XKRX: variants seen among roughly 807,000 people sequenced by gnomAD.
The protein encoded by XKRX is XK related X-linked, also known as XK-related protein 2.
Under a neutral mutation model 22.4 loss-of-function variants are expected in XKRX, and 11 were observed. The ratio of observed to expected loss-of-function variants is 0.49; its 90% CI spans 0.31 to 0.81. XKRX has a LOEUF of 0.81. XKRX is among the 40% of genes least tolerant of loss of function. The pLI is 0.05. For synonymous variants in XKRX, 114 were observed against 132.2 expected, an observed-to-expected ratio of 0.86 and a Z score of 0.94; for missense variants, 320 against 336.5, an observed-to-expected ratio of 0.95 and a Z score of 0.38.
chrX:100,891,286 T>A, the XKRX span, among the ~76,000 whole-genome samples: 4,795 of 111,059 alleles, frequency 0.043, 254 homozygotes, highest in African/African-American at 0.15. Flanking sequence ...ATAGAGCCAA[T>A]ACAATCCCTA....
downstream of XKRX, among the ~76,000 whole-genome samples, chrX:100,912,431 T>C (rs1355314268): frequency 8.9e-6 from 1 of 111,829 alleles, no homozygotes; most frequent in African/African-American, 3.3e-5. Context: ...GGGAAAACCA[T>C]GCTAGCCATG....
chrX:100,956,750 C>T, the XKRX span: 1 of 555,434 alleles, frequency 1.8e-6, no homozygotes, highest in East Asian at 3.3e-5. Context: ...ATGCCACTTG[C>T]TGAAAGAACT....
chrX:100,930,729 G>C (rs1177216182), upstream of XKRX, among the ~76,000 whole-genome samples: 1 of 111,109 alleles, frequency 9.0e-6, no homozygotes, highest in Non-Finnish European at 1.9e-5. Flanking sequence ...CCAGTATATG[G>C]TGCAGAACCT....
At chrX:100,926,001 G>A (rs997246268) in intron 1 of XKRX, among the ~76,000 whole-genome samples, 9 of 112,025 alleles carry the variant, frequency 8.0e-5, no homozygotes, top group Non-Finnish European at 1.5e-4. Context: ...TGGAAACAAT[G>A]CGCCAGGGCT....
chrX:100,908,106 A>AGTGTGTGTGTGTGTGT, the XKRX span, among the ~76,000 whole-genome samples: 18,439 of 86,664 alleles, frequency 0.21, 1,736 homozygotes, highest in Middle Eastern at 0.24. Flanking sequence ...TCATGCATGG[A>AGTGTGTGTGTGTGTGT]GTGTGTGTGT....
the XKRX span, among the ~76,000 whole-genome samples, chrX:100,891,045 G>A: frequency 1.3e-4 from 15 of 111,319 alleles, no homozygotes; most frequent in Non-Finnish European, 1.7e-4. Flanking sequence ...ATTGAATGTA[G>A]TCAACAAATT....
the XKRX span, among the ~76,000 whole-genome samples, chrX:100,955,554 T>G: frequency 0.13 from 14,338 of 110,254 alleles, 775 homozygotes; most frequent in Admixed American, 0.17. Context: ...GCACCTATAA[T>G]CCCAGCTACT....
chrX:100,917,672 A>AG (rs1457060609), intron 2 of XKRX, among the ~76,000 whole-genome samples: 42 of 43,387 alleles, frequency 9.7e-4, no homozygotes, highest in Middle Eastern at 9.6e-3. Flanking sequence ...AAAGAAAGAA[A>AG]GAAAAGAAAG....
chrX:100,949,369 T>TTTG, the XKRX span, among the ~76,000 whole-genome samples: 1 of 95,778 alleles, frequency 1.0e-5, no homozygotes, highest in East Asian at 3.4e-4. Flanking sequence ...TGGTTGTTTT[T>TTTG]TTTTTTTTTT....
intron 2 of XKRX, among the ~76,000 whole-genome samples, chrX:100,916,077 CCACA>C (rs72334101): frequency 0.19 from 18,764 of 96,875 alleles, 1,572 homozygotes; most frequent in African/African-American, 0.28. Context: ...TTAAGTTTTA[CCACA>C]CACACACACA....
the XKRX span, among the ~76,000 whole-genome samples, chrX:100,950,870 A>G: frequency 8.9e-6 from 1 of 111,813 alleles, no homozygotes; most frequent in Non-Finnish European, 1.9e-5. Context: ...CAATATATCA[A>G]AATGTACGGA....
chrX:100,928,949 G>T, upstream of XKRX: 1 of 556,779 alleles, frequency 1.8e-6, no homozygotes, highest in Non-Finnish European at 2.2e-6. Flanking sequence ...TAGCTCCTCG[G>T]ATTCCCCCAA....
At chrX:100,950,225 C>T in the XKRX span, among the ~76,000 whole-genome samples, 3 of 111,724 alleles carry the variant, frequency 2.7e-5, no homozygotes, top group Non-Finnish European at 5.6e-5. Context: ...TAGCTGAAAA[C>T]TTCCCAAAGG....
the XKRX span, among the ~76,000 whole-genome samples, chrX:100,900,865 C>G: frequency 9.6e-6 from 1 of 104,031 alleles, no homozygotes; most frequent in African/African-American, 3.5e-5. Flanking sequence ...TCTCGGCTCA[C>G]TGCAAGCTCT....
In XKRX at chrX:100,914,792, A is replaced by G. The variant is rs371750277; in HGVS notation, c.896T>C (p.Ile299Thr). The change falls in exon 3 of 3, where the codon ATT becomes ACT. Residue 299 changes from isoleucine (I) to threonine (T), a missense_variant. Physicochemically the swap from Ile to Thr is moderately conservative, Grantham distance 89. Transcript: ENST00000372956. ...GCCGACCCGGCTGAAGTTTTTCTCA[A>G]TGTTATTGGGCATCTGGGCACCACT... ...WRSGAQMPNN[I>T]EKNFSRVGTL... 101 of 1,209,599 alleles carry G rather than the reference A, an allele frequency of 8.3e-5. No homozygotes were observed. The highest frequency in any genetic ancestry group is 1.1e-4 in the Non-Finnish European group (96 of 895,269).
chrX:100,950,563 C>T, the XKRX span, among the ~76,000 whole-genome samples: 1 of 112,242 alleles, frequency 8.9e-6, no homozygotes, highest in African/African-American at 3.2e-5. Context: ...GAATATTTCA[C>T]CCACCAACAG....
Position 100,925,295 on chromosome X carries a change from G to A in XKRX, c.336-2234C>T, listed in dbSNP as rs146931125. On this transcript the variant is annotated intron_variant, in intron 1 of 2. Transcript: ENST00000372956. ...ATAAATTAGAGTACATTTTCATTTC[G>A]GAAGTATGCTTGCATTTCATGTAAG... 6.2e-3 allele frequency among the ~76,000 whole-genome samples: 691 copies of A among 111,784 alleles called. 3 individuals are homozygous for A. The highest frequency in any genetic ancestry group is 0.021 in the African/African-American group (652 of 30,839).
chrX:100,941,421 C>A, the XKRX span, among the ~76,000 whole-genome samples: 9 of 111,013 alleles, frequency 8.1e-5, no homozygotes, highest in Non-Finnish European at 1.7e-4. Flanking sequence ...TGGTGGTGCA[C>A]GCCTATAATC....
intron 2 of XKRX, among the ~76,000 whole-genome samples, chrX:100,920,217 A>T (rs1048031166): frequency 3.0e-5 from 3 of 99,205 alleles, no homozygotes; most frequent in African/African-American, 1.2e-4. Context: ...TATCAATAGA[A>T]AATTAGGAGA....
Sources: allele counts gnomAD v4.1 joint callset (sites outside exome capture counted in the v4.1 genomes callset), GRCh38; gene constraint gnomAD v4.1.1; transcripts MANE v1.5; gene names NCBI Gene and HGNC (gene_info 2026-07-23, HGNC 2026-07-21).